GATAD2A: variants seen among roughly 807,000 people sequenced by gnomAD.
GATAD2A encodes transcriptional repressor p66-alpha.
In GATAD2A, 12 loss-of-function variants were observed where a neutral mutation model predicts 68.5. That is an observed-to-expected ratio of 0.18 (90% CI 0.11 to 0.28). The LOEUF is 0.28. Ranked by LOEUF, GATAD2A falls within the 10% of genes least tolerant of loss-of-function variation. GATAD2A has a pLI of 1.00. For missense variants in GATAD2A, 755 were observed against 868.5 expected (o/e 0.87, Z 1.64); for synonymous variants, 410 against 375.3 (o/e 1.09, Z -1.07).
chr19:19,421,739 G>A (rs1175174031), intron 1 of GATAD2A, among the ~76,000 whole-genome samples: 1 of 152,216 alleles, frequency 6.6e-6, no homozygotes, highest in Non-Finnish European at 1.5e-5. Context: ...TACTCTGGGG[G>A]TGATGCAGGT....
chr19:19,499,820 G>A (rs1342224331), intron 8 of GATAD2A, among the ~76,000 whole-genome samples: 4 of 152,192 alleles, frequency 2.6e-5, no homozygotes, highest in Non-Finnish European at 5.9e-5. Flanking sequence ...GGATGGTACC[G>A]AGACTAACTG....
intron 1 of GATAD2A, among the ~76,000 whole-genome samples, chr19:19,434,518 A>G (rs2054102887): frequency 6.6e-6 from 1 of 152,110 alleles, no homozygotes; most frequent in African/African-American, 2.4e-5. Flanking sequence ...ATCAGCTGTG[A>G]ATTGCCGTGA....
At chr19:19,479,831 CTTTTTTTTTT>C (rs35537344) in intron 2 of GATAD2A, among the ~76,000 whole-genome samples, 5 of 85,578 alleles carry the variant, frequency 5.8e-5, no homozygotes, top group African/African-American at 1.4e-4. Flanking sequence ...GTGGCCCACT[CTTTTTTTTTT>C]TTTTTTTTTT....
chr19:19,473,608 G>T (rs2058466269), intron 2 of GATAD2A, among the ~76,000 whole-genome samples: 1 of 152,002 alleles, frequency 6.6e-6, no homozygotes, highest in African/African-American at 2.4e-5. Context: ...GACAGGTTAG[G>T]CCACCCACCA....
At chr19:19,411,850 A>G (rs576964533) in intron 1 of GATAD2A, among the ~76,000 whole-genome samples, 1 of 152,156 alleles carries the variant, frequency 6.6e-6, no homozygotes, top group African/African-American at 2.4e-5. Flanking sequence ...AACACCTCAT[A>G]TCTCAGTTAT....
chr19:19,399,421 G>A (rs566343600), intron 1 of GATAD2A, among the ~76,000 whole-genome samples: 1 of 152,128 alleles, frequency 6.6e-6, no homozygotes, highest in African/African-American at 2.4e-5. Context: ...GAACTCCTGG[G>A]CTCAAGTGAT....
At chr19:19,496,023 T>A (rs1407855916) in intron 6 of GATAD2A, 29 bp from the exon 7 acceptor site, 2 of 1,609,050 alleles carry the variant, frequency 1.2e-6, no homozygotes, top group Admixed American at 3.3e-5. Context: ...TCAGTCAGAT[T>A]TCTTGTTCTC....
intron 1 of GATAD2A, among the ~76,000 whole-genome samples, chr19:19,442,559 G>A (rs895453740): frequency 1.3e-5 from 2 of 152,058 alleles, no homozygotes; most frequent in South Asian, 2.1e-4. Context: ...CCTGGGAGGC[G>A]GAAAGTTGCA....
chr19:19,504,366 C>T (rs927211824), intron 11 of GATAD2A, among the ~76,000 whole-genome samples: 2 of 152,224 alleles, frequency 1.3e-5, no homozygotes, highest in African/African-American at 4.8e-5. Context: ...GTATTTTCCT[C>T]CCCCAGGTGA....
intron 2 of GATAD2A, among the ~76,000 whole-genome samples, chr19:19,488,484 C>T (rs1056545475): frequency 2.7e-4 from 41 of 152,248 alleles, no homozygotes; most frequent in African/African-American, 9.2e-4. Context: ...AGCTCCTTCC[C>T]GGCACTGGCT....
At position 19,492,319 on chromosome 19, in the gene GATAD2A, G is replaced by C. The variant is rs200305535; in HGVS notation, c.283G>C (p.Glu95Gln). 1.9e-6 allele frequency: 3 copies of C among 1,604,476 alleles called. No individual in the cohort carries two copies. Among genetic ancestry groups the C allele is most frequent in the Non-Finnish European group, 2.6e-6 (3 of 1,175,522 alleles). Residue 95 changes from glutamate to glutamine, a missense_variant, in exon 3 of 12, where the codon GAG becomes CAG. By Grantham distance (29) the Glu-to-Gln change is conservative. Transcript: ENST00000683918. ...MRTSHSDMKSERRPPSPDVIV... is the reference protein window; with the variant it reads ...MRTSHSDMKSQRRPPSPDVIV... ...TCCACCCCACAGTGACATGAAGTCC[G>C]AGAGGAGACCCCCCTCACCTGACGT...
At chr19:19,406,904 AT>A (rs978014021) in intron 1 of GATAD2A, among the ~76,000 whole-genome samples, 15 of 152,134 alleles carry the variant, frequency 9.9e-5, no homozygotes, top group African/African-American at 3.6e-4. Context: ...TGCCCTGAGA[AT>A]TTTGCACAGG....
At chr19:19,451,770 C>G (rs1237582179) in intron 1 of GATAD2A, among the ~76,000 whole-genome samples, 1 of 152,230 alleles carries the variant, frequency 6.6e-6, no homozygotes, top group Non-Finnish European at 1.5e-5. Flanking sequence ...ACAAGTAGAT[C>G]AGTAGCTGTG....
At chr19:19,423,184 T>C (rs1380643978) in intron 1 of GATAD2A, among the ~76,000 whole-genome samples, 1 of 152,176 alleles carries the variant, frequency 6.6e-6, no homozygotes, top group African/African-American at 2.4e-5. Context: ...TTTGAAAATA[T>C]TTTGTAGAGA....
chr19:19,403,431 C>G (rs1189516510), upstream of GATAD2A, among the ~76,000 whole-genome samples: 1 of 152,088 alleles, frequency 6.6e-6, no homozygotes, highest in Non-Finnish European at 1.5e-5. Flanking sequence ...TACCCTGCAC[C>G]CCTCCTACTC....
chr19:19,386,614 C>T (rs1351641815), intron 1 of GATAD2A, among the ~76,000 whole-genome samples: 1 of 151,958 alleles, frequency 6.6e-6, no homozygotes, highest in Non-Finnish European at 1.5e-5. Context: ...TCTAGAGGAT[C>T]CCCACCTCTC....
At chr19:19,481,506 T>G (rs1261734985) in intron 2 of GATAD2A, among the ~76,000 whole-genome samples, 3 of 152,116 alleles carry the variant, frequency 2.0e-5, no homozygotes, top group Non-Finnish European at 2.9e-5. Context: ...TTTTAATTTT[T>G]TTAGAGACAG....
chr19:19,410,168 C>T (rs1243327456), intron 1 of GATAD2A, among the ~76,000 whole-genome samples: 1 of 152,192 alleles, frequency 6.6e-6, no homozygotes, highest in African/African-American at 2.4e-5. Context: ...GGGAACTTGC[C>T]TTTCTGTCTG....
intron 1 of GATAD2A, among the ~76,000 whole-genome samples, chr19:19,431,110 T>C (rs2053695349): frequency 1.3e-5 from 2 of 151,774 alleles, no homozygotes; most frequent in East Asian, 1.9e-4. Flanking sequence ...CACTTAAGGG[T>C]TACTTGATAC....
Sources: gnomAD v4.1 joint callset for allele counts (sites outside exome capture counted in the v4.1 genomes callset) on GRCh38, gnomAD v4.1.1 for gene constraint, MANE v1.5 for transcripts, NCBI Gene and HGNC (gene_info 2026-07-23, HGNC 2026-07-21) for gene names.